The following NOL8 variants were observed in gnomAD, a reference collection of about 807,000 sequenced individuals.
NOL8 encodes the protein nucleolar protein 8.
NOL8 carries 93 observed loss-of-function variants against 116.1 expected under a neutral mutation model. That is an observed-to-expected ratio of 0.80 (90% CI 0.68 to 0.95). The LOEUF (loss-of-function observed/expected upper bound fraction) is 0.95, where lower values mean the gene tolerates loss of function less well. Among genes scored for constraint, NOL8 ranks in the 40% least tolerant of loss-of-function variants. The probability of loss-of-function intolerance (pLI) is 0.00; values close to 1 mark genes in which losing one functional copy is unlikely to be tolerated. For synonymous variants in NOL8, 419 were observed against 469.0 expected, an observed-to-expected ratio of 0.89 and a Z score of 1.38; for missense variants, 1,291 against 1,382.8, an observed-to-expected ratio of 0.93 and a Z score of 1.05.
chr9:92,309,572 G>A (rs879206597), intron 10 of NOL8, among the ~76,000 whole-genome samples: 3 of 152,124 alleles, frequency 2.0e-5, no homozygotes, highest in Non-Finnish European at 2.9e-5. Flanking sequence ...AGCCAGCGAC[G>A]TAAGAGGTAA....
At chr9:92,300,829 A>AC (rs1332065235) in intron 13 of NOL8, 5 of 1,092,854 alleles carry the variant, frequency 4.6e-6, no homozygotes, top group Non-Finnish European at 5.7e-6. Context: ...AAAAAAAAAA[A>AC]ATTATTTTAA....
intron 12 of NOL8, among the ~76,000 whole-genome samples, chr9:92,302,770 A>T (rs1423797149): frequency 1.3e-5 from 2 of 152,238 alleles, no homozygotes; most frequent in African/African-American, 4.8e-5. Context: ...TGGACAGAGT[A>T]AGCCAAATGG....
intron 7 of NOL8, among the ~76,000 whole-genome samples, chr9:92,313,167 T>C (rs1176316100): frequency 6.6e-6 from 1 of 152,124 alleles, no homozygotes; most frequent in Non-Finnish European, 1.5e-5. Context: ...TATCCAGTTA[T>C]CACCAAGTCC....
rs1274469403 is a variant in NOL8 at position 92,298,974 on chromosome 9, G to A, written c.3303-20C>T. 7.0e-7 allele frequency: 1 copy of A among 1,432,678 alleles called. No homozygotes were observed. Among genetic ancestry groups the A allele is most frequent in the South Asian group, 1.4e-5 (1 of 72,702 alleles). 88.7% of individuals were successfully genotyped at this position (1,432,678 alleles called of 1,614,324 possible). A position where few individuals can be genotyped will look rare whatever the true frequency, so the allele number is the denominator to read the frequency against. ...GCTTCTCTGAAAAGAAAGGGACAAA[G>A]GAGAGAGAAAAATAGGTATTGGTTG... is the stretch of plus-strand genomic sequence containing the variant. On this transcript the variant is annotated intron_variant, in intron 14 of 16. Coordinates refer to ENST00000442668, the MANE Select transcript of NOL8 (RefSeq NM_017948.6).
At chr9:92,310,738 G>GT (rs1377270456) in intron 8 of NOL8, 63 bp from the exon 9 acceptor site, 2 of 1,505,896 alleles carry the variant, frequency 1.3e-6, no homozygotes, top group Non-Finnish European at 1.8e-6. Context: ...CCTTCATAAC[G>GT]TAATCTTCTC....
chr9:92,319,145 G>A, intron 5 of NOL8, 76 bp downstream of exon 5: 1 of 1,421,712 alleles, frequency 7.0e-7, no homozygotes, highest in African/African-American at 1.5e-5. Context: ...TTTTAGACAT[G>A]ACACCCACAA....
intron 2 of NOL8, 113 bp from the exon 3 acceptor site, chr9:92,323,616 T>C (rs1013700315): frequency 6.0e-6 from 5 of 837,262 alleles, no homozygotes; most frequent in African/African-American, 1.7e-5. Flanking sequence ...TGAAAACTTA[T>C]TATTTCAAAG....
At chr9:92,321,542 G>A (rs866677345) in intron 4 of NOL8, 126 bp downstream of exon 4, 3 of 588,756 alleles carry the variant, frequency 5.1e-6, no homozygotes, top group Non-Finnish European at 8.4e-6. Context: ...AGGGATTTCA[G>A]CTCTACTTAT....
rs757666095 is a variant in NOL8 at position 92,310,673 on chromosome 9, C to A, written c.2475G>T (p.Glu825Asp). The A allele has an allele frequency of 1.0e-5, 16 of 1,600,106 alleles. No individual in the cohort carries two copies. Among genetic ancestry groups the A allele is most frequent in the Admixed American group, 3.6e-5 (2 of 56,098 alleles). Reference sequence around the variant, plus strand: ...GCTTCCCTGATGTTTTACCCATAGACTCCTGTGAAGAAACACAACATTTAT... The same window carrying A: ...GCTTCCCTGATGTTTTACCCATAGAATCCTGTGAAGAAACACAACATTTAT... The part of the protein sequence containing the change: ...QSHPGEEWVK[E>D]SMGKTSGKLF... The change falls in exon 9 of 17, where the codon GAG becomes GAT. Residue 825 changes from glutamate (E) to aspartate (D), a missense_variant and splice_region_variant. Coordinates refer to ENST00000442668, the MANE Select transcript of NOL8 (RefSeq NM_017948.6).
chr9:92,298,980 A>C lies in NOL8; in HGVS notation c.3303-26T>G, dbSNP rs767256117. The C allele has an allele frequency of 2.2e-6, 3 of 1,340,268 alleles. No individual in the cohort carries two copies. The Admixed American group carries it at 7.4e-5, about 33-fold the overall frequency. The allele number at this position is 1,340,268 out of a possible 1,614,324, so 83.0% of individuals were successfully genotyped here. A position where few individuals can be genotyped will look rare whatever the true frequency, so the allele number is the denominator to read the frequency against. Reference sequence around the variant, plus strand: ...CTGAAAAGAAAGGGACAAAGGAGAGAGAAAAATAGGTATTGGTTGGTTTAA... The same window carrying C: ...CTGAAAAGAAAGGGACAAAGGAGAGCGAAAAATAGGTATTGGTTGGTTTAA... On this transcript the variant is annotated intron_variant, in intron 14 of 16. Transcript: ENST00000442668.
chr9:92,320,211 C>T, intron 4 of NOL8: 1 of 456,052 alleles, frequency 2.2e-6, no homozygotes, highest in Non-Finnish European at 4.4e-6. Context: ...CTGCACAGAG[C>T]AGTCCTCACT....
chr9:92,299,783 A>C (rs1837571734), intron 14 of NOL8, 107 bp downstream of exon 14: 5 of 1,193,072 alleles, frequency 4.2e-6, no homozygotes, highest in Non-Finnish European at 5.9e-6. Context: ...AAAAGAAGCT[A>C]AGACAATTTA....
intron 2 of NOL8, among the ~76,000 whole-genome samples, 187 bp from the exon 3 acceptor site, chr9:92,323,690 A>C (rs1480562232): frequency 6.6e-6 from 1 of 152,202 alleles, no homozygotes; most frequent in Non-Finnish European, 1.5e-5. Context: ...CAAAAAAAAA[A>C]AGAAGAAAAT....
chr9:92,319,120 GAA>G (rs1839687132), intron 5 of NOL8, 99 bp downstream of exon 5: 4 of 1,317,324 alleles, frequency 3.0e-6, no homozygotes, highest in Non-Finnish European at 4.1e-6. Context: ...CAAGAAAGGG[GAA>G]AAGAGTAACT....
intron 13 of NOL8, among the ~76,000 whole-genome samples, chr9:92,301,277 C>T (rs538991517): frequency 6.8e-4 from 104 of 152,298 alleles, no homozygotes; most frequent in African/African-American, 2.4e-3. Context: ...TTCTTCATGA[C>T]GTTTTACTTA....
chr9:92,307,899 T>C (rs1283483369), intron 10 of NOL8, among the ~76,000 whole-genome samples: 2 of 152,176 alleles, frequency 1.3e-5, no homozygotes, highest in African/African-American at 4.8e-5. Context: ...AACACATATA[T>C]TGAAATAATA....
Position 92,314,545 on chromosome 9 carries a change from C to T in NOL8, c.2080G>A (p.Asp694Asn), listed in dbSNP as rs751438611. The part of the protein sequence containing the change: ...LSAKTHNIGF[D>N]KDSCHSTTKT... ...GTGGTACTATGGCAGCTGTCTTTGT[C>T]AAAGCCTATGTTGTGAGTCTTTGCA... The change falls in exon 7 of 17, where the codon GAC (aspartate) becomes AAC (asparagine). Residue 694 changes from aspartate (D) to asparagine (N), a missense_variant. Coordinates refer to ENST00000442668, the MANE Select transcript of NOL8 (RefSeq NM_017948.6). 48 of 1,613,362 alleles carry T rather than the reference C, an allele frequency of 3.0e-5. No individual in the cohort carries two copies. Among genetic ancestry groups the T allele is most frequent in the Middle Eastern group, 3.3e-4 (2 of 6,082 alleles).
In NOL8 at chr9:92,314,493, C is replaced by G. The variant is rs201776928; in HGVS notation, c.2132G>C (p.Arg711Pro). 6.7e-4 allele frequency: 1,082 copies of G among 1,613,278 alleles called. No individual in the cohort carries two copies. The highest frequency in any genetic ancestry group is 8.3e-4 in the Non-Finnish European group (984 of 1,179,522). Residue 711 changes from arginine to proline, a missense_variant, in exon 7 of 17, where the codon CGG becomes CCG. Arg to Pro is a moderately radical substitution (Grantham distance 103, BLOSUM62 -2). Coordinates refer to ENST00000442668, the MANE Select transcript of NOL8 (RefSeq NM_017948.6). Reference protein sequence around the residue: ...TTKTEASQEERSDSSGLTSLK... With the variant: ...TTKTEASQEEPSDSSGLTSLK... ...AGATGTGAGGCCGCTTGAATCAGAC[C>G]GCTCTTCCTGTGAAGCTTCTGTCTT...
rs145099747 is a variant in NOL8, at chr9:92,299,931, T to C, written c.3261A>G (p.Glu1087=). The C allele has an allele frequency of 6.2e-7, 1 of 1,613,582 alleles. No individual in the cohort carries two copies. Among genetic ancestry groups the C allele is most frequent in the East Asian group, 2.2e-5 (1 of 44,836 alleles). Reference sequence around the variant, plus strand: ...TGTGATCTGTTTCTTCAGTAACATCTTCCTCTTCTGAACTGCTGTCTTGTA... The same window carrying C: ...TGTGATCTGTTTCTTCAGTAACATCCTCCTCTTCTGAACTGCTGTCTTGTA... ...PRLQDSSSEE[E]DVTEETDHRN... The change falls in exon 14 of 17, where the codon GAA becomes GAG. Residue 1087 remains glutamate (E), a synonymous_variant. Transcript: ENST00000442668.
Sources: gnomAD v4.1 joint callset for allele counts (sites outside exome capture counted in the v4.1 genomes callset) on GRCh38, gnomAD v4.1.1 for gene constraint, MANE v1.5 for transcripts, NCBI Gene and HGNC (gene_info 2026-07-23, HGNC 2026-07-21) for gene names.